CFAP47: variants seen among roughly 807,000 people sequenced by gnomAD.
The protein encoded by CFAP47 is cilia- and flagella-associated protein 47.
In CFAP47, 29 loss-of-function variants were observed where a neutral mutation model predicts 148.1. The ratio of observed to expected loss-of-function variants is 0.20; its 90% CI spans 0.15 to 0.27. The LOEUF (loss-of-function observed/expected upper bound fraction) is 0.27. Among genes scored for constraint, CFAP47 ranks in the 10% least tolerant of loss-of-function variants. The pLI, the probability that CFAP47 is intolerant of heterozygous loss-of-function variation, is 1.00. For missense variants in CFAP47, 1,872 were observed against 1,697.5 expected (o/e 1.10, Z -1.81); for synonymous variants, 664 against 577.3 (o/e 1.15, Z -2.15).
At chrX:36,274,947 A>G (rs1556002419) in intron 49 of CFAP47, among the ~76,000 whole-genome samples, 1 of 111,731 alleles carries the variant, frequency 9.0e-6, no homozygotes, top group Non-Finnish European at 1.9e-5. Context: ...TATACCTTAC[A>G]TATGATGTTA....
At chrX:36,260,384 A>G (rs1940803376) in intron 49 of CFAP47, among the ~76,000 whole-genome samples, 1 of 111,989 alleles carries the variant, frequency 8.9e-6, no homozygotes, top group Non-Finnish European at 1.9e-5. Flanking sequence ...CCTCGCTAGC[A>G]TCTATTATTT....
Position 36,361,383 on chromosome X carries a change from A to G in CFAP47, c.8905A>G (p.Met2969Val). 8.9e-7 allele frequency: 1 copy of G among 1,121,233 alleles called. No homozygotes were observed. The highest frequency in any genetic ancestry group is 1.2e-6 in the Non-Finnish European group (1 of 839,236). The allele number at this position is 1,121,233 out of a possible 1,213,427, so 92.4% of individuals were successfully genotyped here. The change falls in exon 61 of 64, where the codon ATG (methionine) becomes GTG (valine). Residue 2969 changes from methionine (M) to valine (V), a missense_variant. Physicochemically the swap from Met to Val is conservative, Grantham distance 21. Coordinates refer to ENST00000378653, the MANE Select transcript of CFAP47 (RefSeq NM_001304548.2). Reference protein sequence around the residue: ...EYEIQFESEAMKSKLESCVAL... With the variant: ...EYEIQFESEAVKSKLESCVAL... The stretch of plus-strand genomic sequence containing the variant: ...TGAAATTCAATTTGAATCTGAAGCT[A>G]TGAAGTCTAAGTTGGAATCCTGTGT...
chrX:36,137,726 C>CT (rs1443169499), intron 33 of CFAP47, among the ~76,000 whole-genome samples: 1 of 110,442 alleles, frequency 9.1e-6, no homozygotes, highest in Non-Finnish European at 1.9e-5. Flanking sequence ...TTTTTCAAAG[C>CT]AGCTCATATA....
intron 39 of CFAP47, among the ~76,000 whole-genome samples, chrX:36,177,377 TA>T (rs1445998826): frequency 1.8e-5 from 2 of 112,091 alleles, no homozygotes; most frequent in African/African-American, 6.5e-5. Flanking sequence ...ATCACCAAAA[TA>T]AATTTCTCCA....
At chrX:36,049,836 G>A (rs989358684) in intron 26 of CFAP47, among the ~76,000 whole-genome samples, 1 of 111,505 alleles carries the variant, frequency 9.0e-6, no homozygotes, top group African/African-American at 3.3e-5. Context: ...ATCTTGAATT[G>A]TAGCTCTTAT....
chrX:36,209,264 T>G (rs927936993), intron 45 of CFAP47, among the ~76,000 whole-genome samples: 2 of 111,790 alleles, frequency 1.8e-5, no homozygotes, highest in East Asian at 5.7e-4. Context: ...TGTTATTATA[T>G]TCGTCACATT....
rs192232813 is a variant in CFAP47, at chrX:36,348,000, C to T, written c.8444-129C>T. 459 of 300,723 alleles carry T rather than the reference C, an allele frequency of 1.5e-3. 1 individual carries two copies. Among genetic ancestry groups the T allele is most frequent in the East Asian group, 4.3e-3 (72 of 16,604 alleles). The allele number at this position is 300,723 out of a possible 1,213,427, so 24.8% of individuals were successfully genotyped here. The stretch of plus-strand genomic sequence containing the variant: ...AGCGAACTTATAATTTTGCATAATG[C>T]GTTTTTTGTTCAGAAGCAGTTTTTA... On this transcript the variant is annotated intron_variant, in intron 57 of 63. Transcript: ENST00000378653.
intron 49 of CFAP47, among the ~76,000 whole-genome samples, chrX:36,270,303 C>T (rs1373118799): frequency 9.0e-6 from 1 of 110,840 alleles, no homozygotes; most frequent in African/African-American, 3.3e-5. Context: ...AATCCAGTTC[C>T]TCCACATTCT....
intron 46 of CFAP47, among the ~76,000 whole-genome samples, chrX:36,230,551 T>G (rs1231899849): frequency 2.9e-5 from 3 of 102,173 alleles, no homozygotes; most frequent in Admixed American, 2.1e-4. Context: ...TTTCTCCCAT[T>G]TTGTAGGTTG....
At chrX:36,248,250 G>A (rs1940644519) in intron 48 of CFAP47, among the ~76,000 whole-genome samples, 1 of 104,071 alleles carries the variant, frequency 9.6e-6, no homozygotes, top group African/African-American at 3.4e-5. Flanking sequence ...CACACTATCA[G>A]AAGATCTACA....
chrX:35,941,526 A>G (rs6632412), intron 3 of CFAP47, 128 bp downstream of exon 3: 50,139 of 370,801 alleles, frequency 0.14, 2,605 homozygotes, highest in Admixed American at 0.23. Context: ...GCTCAAAACC[A>G]AAGGTCCTTA....
intron 58 of CFAP47, among the ~76,000 whole-genome samples, chrX:36,349,063 C>A (rs997445340): frequency 2.7e-5 from 3 of 110,972 alleles, no homozygotes; most frequent in South Asian, 3.8e-4. Context: ...TGAGAATGAG[C>A]AAACTTAATA....
chrX:36,277,507 G>T (rs782377382), intron 49 of CFAP47, among the ~76,000 whole-genome samples: 53 of 112,061 alleles, frequency 4.7e-4, no homozygotes, highest in African/African-American at 1.7e-3. Context: ...AAACATTTTT[G>T]TCTAAGGCCT....
chrX:36,169,761 T>C (rs1939542686), intron 39 of CFAP47, among the ~76,000 whole-genome samples: 2 of 111,427 alleles, frequency 1.8e-5, no homozygotes, highest in African/African-American at 6.5e-5. Flanking sequence ...TTTTCCCCCA[T>C]ATGTTCCTCT....
intron 22 of CFAP47, among the ~76,000 whole-genome samples, chrX:36,021,516 A>G (rs1475249436): frequency 9.1e-6 from 1 of 110,422 alleles, no homozygotes; most frequent in Non-Finnish European, 1.9e-5. Context: ...TCATTTTACT[A>G]TACTTTAAGT....
chrX:36,169,594 A>G (rs1413759868), intron 39 of CFAP47, among the ~76,000 whole-genome samples: 7 of 111,298 alleles, frequency 6.3e-5, no homozygotes, highest in African/African-American at 2.3e-4. Flanking sequence ...TTATTTTTCA[A>G]TTCTAGAATT....
In CFAP47 at chrX:36,123,630, T is replaced by C. The variant is rs760814942; in HGVS notation, c.5321-14328T>C. 5.4e-5 allele frequency among the ~76,000 whole-genome samples: 6 copies of C among 110,905 alleles called. No homozygotes were observed. In the East Asian group the frequency reaches 1.7e-3, roughly 32 times the overall value. On this transcript the variant is annotated intron_variant, in intron 33 of 63. Coordinates refer to ENST00000378653, the MANE Select transcript of CFAP47 (RefSeq NM_001304548.2). ...ATGTTTTTTTTAGGCCCAAGGGCTC[T>C]TCAGTAAGCTTGTAGTAACTTCTGC...
chrX:36,298,482 C>G (rs1490134512), intron 51 of CFAP47, among the ~76,000 whole-genome samples: 1 of 106,633 alleles, frequency 9.4e-6, no homozygotes, highest in African/African-American at 3.4e-5. Flanking sequence ...GTGGGTGCAG[C>G]GCACCAGCGT....
intron 37 of CFAP47, among the ~76,000 whole-genome samples, chrX:36,150,634 C>T (rs1301000741): frequency 1.8e-5 from 2 of 111,097 alleles, no homozygotes; most frequent in Non-Finnish European, 3.8e-5. Flanking sequence ...AAAAAAGGGC[C>T]ATTTTAAATT....
Sources: allele counts gnomAD v4.1 joint callset (sites outside exome capture counted in the v4.1 genomes callset), GRCh38; gene constraint gnomAD v4.1.1; transcripts MANE v1.5; gene names NCBI Gene and HGNC (gene_info 2026-07-23, HGNC 2026-07-21).